SLCO3A1: variants seen among roughly 807,000 people sequenced by gnomAD.
The protein encoded by SLCO3A1 is PGE1 transporter.
Under a neutral mutation model 63.1 loss-of-function variants are expected in SLCO3A1, and 27 were observed. That is an observed-to-expected ratio of 0.43 (90% CI 0.32 to 0.59). The LOEUF (loss-of-function observed/expected upper bound fraction) is 0.59, where lower values mean the gene tolerates loss of function less well. Ranked by LOEUF, SLCO3A1 falls within the 20% of genes least tolerant of loss-of-function variation. SLCO3A1 has a pLI of 0.09. For missense variants in SLCO3A1, 773 were observed against 945.8 expected, an observed-to-expected ratio of 0.82 and a Z score of 2.40; for synonymous variants, 473 against 409.9, an observed-to-expected ratio of 1.15 and a Z score of -1.86.
At chr15:92,067,442 G>A (rs1052131689) in intron 2 of SLCO3A1, among the ~76,000 whole-genome samples, 2 of 152,200 alleles carry the variant, frequency 1.3e-5, no homozygotes, top group African/African-American at 2.4e-5. Flanking sequence ...AGTTGACTAC[G>A]GGAATGACAT....
At chr15:91,960,552 A>G (rs1162756491) in intron 2 of SLCO3A1, among the ~76,000 whole-genome samples, 2 of 152,154 alleles carry the variant, frequency 1.3e-5, no homozygotes, top group Non-Finnish European at 2.9e-5. Flanking sequence ...TGTAGCTCCT[A>G]AACTCGTTCC....
intron 10 of SLCO3A1, chr15:92,171,684 C>A: frequency 1.1e-6 from 1 of 871,616 alleles, no homozygotes; most frequent in Non-Finnish European, 1.9e-6. Flanking sequence ...CACTGCAAAG[C>A]CATCATGCTA....
chr15:92,113,084 C>T (rs1484294726), intron 4 of SLCO3A1, among the ~76,000 whole-genome samples: 18 of 152,332 alleles, frequency 1.2e-4, no homozygotes, highest in Admixed American at 9.2e-4. Context: ...TTTCTCTCTG[C>T]TACCTCTGAC....
intron 1 of SLCO3A1, among the ~76,000 whole-genome samples, chr15:91,899,634 A>G (rs987602052): frequency 3.3e-5 from 5 of 152,172 alleles, no homozygotes; most frequent in Admixed American, 6.5e-5. Context: ...TATATACCAT[A>G]AAATCCGTCC....
At chr15:91,896,194 C>T (rs1181847156) in intron 1 of SLCO3A1, among the ~76,000 whole-genome samples, 1 of 152,128 alleles carries the variant, frequency 6.6e-6, no homozygotes, top group Non-Finnish European at 1.5e-5. Flanking sequence ...AGGGCCTTTT[C>T]CTGTGTTGGA....
chr15:92,171,407 A>G (rs58004056), intron 10 of SLCO3A1: 3,666 of 170,890 alleles, frequency 0.021, 140 homozygotes, highest in African/African-American at 0.081. Flanking sequence ...AATCTCTTCA[A>G]TAGAGATGTA....
intron 2 of SLCO3A1, among the ~76,000 whole-genome samples, chr15:91,958,224 A>G (rs867248487): frequency 1.4e-4 from 22 of 152,208 alleles, no homozygotes; most frequent in Non-Finnish European, 2.2e-4. Flanking sequence ...AATTATCACT[A>G]TTAGTAGTTA....
chr15:91,971,117 C>T (rs1489782225), intron 2 of SLCO3A1, among the ~76,000 whole-genome samples: 5 of 152,076 alleles, frequency 3.3e-5, no homozygotes, highest in Middle Eastern at 3.4e-3. Flanking sequence ...TGACCTTGGC[C>T]GGGCGCGGTG....
chr15:92,164,210 A>AAAAT lies in SLCO3A1; in HGVS notation c.*1077_*1080dup. 1 of 985,268 alleles carries AAAAT rather than the reference A, an allele frequency of 1.0e-6. No homozygotes were observed. Among genetic ancestry groups the AAAAT allele is most frequent in the Non-Finnish European group, 1.2e-6 (1 of 829,814 alleles). 61.0% of individuals were successfully genotyped at this position (985,268 alleles called of 1,614,324 possible). On this transcript the variant is annotated 3_prime_UTR_variant, in exon 10 of 10. Transcript: ENST00000318445. The stretch of plus-strand genomic sequence containing the variant: ...TTTTTTCTCCTTTTTTAATGCACCA[A>AAAAT]AAATATGTGATACAAGGGATGCAAT...
At chr15:91,933,219 T>G (rs1486589074) in intron 2 of SLCO3A1, among the ~76,000 whole-genome samples, 1 of 152,206 alleles carries the variant, frequency 6.6e-6, no homozygotes, top group Non-Finnish European at 1.5e-5. Flanking sequence ...ATGACTCCAA[T>G]GAACAATTAA....
intron 3 of SLCO3A1, among the ~76,000 whole-genome samples, chr15:92,099,914 A>C (rs1382367546): frequency 6.6e-6 from 1 of 152,050 alleles, no homozygotes; most frequent in East Asian, 1.9e-4. Context: ...ATACAAAAAA[A>C]AATTAGCCGG....
rs2048473966 is a variant in SLCO3A1 at position 92,164,200 on chromosome 15, T to C, written c.*1065T>C. The stretch of plus-strand genomic sequence containing the variant: ...TGCTTTTACTTTTTTTCTCCTTTTT[T>C]AATGCACCAAAAATATGTGATACAA... On this transcript the variant is annotated 3_prime_UTR_variant, in exon 10 of 10. Coordinates refer to ENST00000318445, the MANE Select transcript of SLCO3A1 (RefSeq NM_013272.4). 1.4e-5 allele frequency: 14 copies of C among 985,250 alleles called. No individual in the cohort carries two copies. The highest frequency in any genetic ancestry group is 1.6e-5 in the Non-Finnish European group (13 of 829,870). The allele number at this position is 985,250 out of a possible 1,614,324, so 61.0% of individuals were successfully genotyped here. A position where few individuals can be genotyped will look rare whatever the true frequency, so the allele number is the denominator to read the frequency against.
At chr15:91,855,351 G>A (rs1408352715) in intron 1 of SLCO3A1, among the ~76,000 whole-genome samples, 1 of 152,222 alleles carries the variant, frequency 6.6e-6, no homozygotes, top group Non-Finnish European at 1.5e-5. Flanking sequence ...TGTTGAGGAA[G>A]TTAGGTGGTT....
At chr15:92,157,429 C>A (rs1483372594) in intron 9 of SLCO3A1, among the ~76,000 whole-genome samples, 2 of 152,068 alleles carry the variant, frequency 1.3e-5, no homozygotes, top group African/African-American at 4.8e-5. Context: ...ACCTGGCCCC[C>A]CCCCTTGTCC....
chr15:92,035,956 T>C (rs1450020013), intron 2 of SLCO3A1, among the ~76,000 whole-genome samples: 1 of 147,906 alleles, frequency 6.8e-6, no homozygotes, highest in Non-Finnish European at 1.5e-5. Context: ...CTGCCTAGTG[T>C]AGACTCTAGT....
intron 2 of SLCO3A1, among the ~76,000 whole-genome samples, chr15:91,990,213 T>C (rs1186838002): frequency 1.3e-5 from 2 of 152,238 alleles, no homozygotes; most frequent in Non-Finnish European, 2.9e-5. Context: ...AGCATTTATT[T>C]TGAAGAAATG....
At chr15:92,108,297 G>A (rs771490344) in intron 4 of SLCO3A1, among the ~76,000 whole-genome samples, 5 of 152,178 alleles carry the variant, frequency 3.3e-5, no homozygotes, top group Admixed American at 2.0e-4. Flanking sequence ...TCTCAGCTGC[G>A]CCACCAAATA....
chr15:92,105,420 A>T (rs1404561025), intron 4 of SLCO3A1, among the ~76,000 whole-genome samples: 1 of 152,196 alleles, frequency 6.6e-6, no homozygotes, highest in African/African-American at 2.4e-5. Context: ...GGATGCAGCA[A>T]AGCTCTTGCT....
At position 91,986,721 on chromosome 15, in the gene SLCO3A1, G is replaced by A. The variant is rs547750887; in HGVS notation, c.646+70263G>A. On this transcript the variant is annotated intron_variant, in intron 2 of 9. Coordinates refer to ENST00000318445, the MANE Select transcript of SLCO3A1 (RefSeq NM_013272.4). ...CAGAGGGGATCATGGCCTTTGGTGC[G>A]AAATGAAGTTAATTTGGGTTTGTAC... 3.3e-5 allele frequency among the ~76,000 whole-genome samples: 5 copies of A among 152,298 alleles called. No individual in the cohort carries two copies. In the East Asian group the frequency reaches 5.8e-4, roughly 18 times the overall value.
Sources: allele counts gnomAD v4.1 joint callset (sites outside exome capture counted in the v4.1 genomes callset), GRCh38; gene constraint gnomAD v4.1.1; transcripts MANE v1.5; gene names NCBI Gene and HGNC (gene_info 2026-07-23, HGNC 2026-07-21).